The following HS6ST3 variants were observed in gnomAD, a reference collection of about 807,000 sequenced individuals.
HS6ST3 encodes heparan-sulfate 6-O-sulfotransferase 3.
HS6ST3 carries 12 observed loss-of-function variants against 36.7 expected under a neutral mutation model. The observed-to-expected ratio is 0.33, with a 90% CI of 0.21 to 0.53. The LOEUF is 0.53. Among genes scored for constraint, HS6ST3 ranks in the 20% least tolerant of loss-of-function variants. The pLI is 0.95. For missense variants in HS6ST3, 584 were observed against 640.9 expected, an observed-to-expected ratio of 0.91 and a Z score of 0.96; for synonymous variants, 240 against 257.5, an observed-to-expected ratio of 0.93 and a Z score of 0.65.
rs192659653 is a variant in HS6ST3 at position 96,333,801 on chromosome 13, C to A, written c.707+242232C>A. On this transcript the variant is annotated intron_variant, in intron 1 of 1. Transcript: ENST00000376705. ...CAAAATACTTGGTTACTTACAGCTC[C>A]AATTGAAAGAAGGCTTCCAAAGCTT... is the stretch of plus-strand genomic sequence containing the variant. Among the ~76,000 whole-genome samples, 16 of 152,244 alleles carry A rather than the reference C, an allele frequency of 1.1e-4. No individual in the cohort carries two copies. The East Asian group carries it at 1.9e-3, about 18-fold the overall frequency.
In HS6ST3 at chr13:96,243,769, G is replaced by T. The variant is rs575665591; in HGVS notation, c.707+152200G>T. 7.2e-4 allele frequency among the ~76,000 whole-genome samples: 110 copies of T among 151,752 alleles called. 1 individual carries two copies. The South Asian group carries it at 0.022, about 30-fold the overall frequency. ...AATTATGAGTTTAAATTTTCCCTGG[G>T]GTGCTTCTCAATTGGTTAATATTAT... On this transcript the variant is annotated intron_variant, in intron 1 of 1. Coordinates refer to ENST00000376705, the MANE Select transcript of HS6ST3 (RefSeq NM_153456.4).
intron 1 of HS6ST3, among the ~76,000 whole-genome samples, chr13:96,254,654 A>C (rs2054628459): frequency 6.6e-6 from 1 of 151,514 alleles, no homozygotes; most frequent in Non-Finnish European, 1.5e-5. Context: ...GGAAGAGCTC[A>C]GTTGGAATCA....
intron 1 of HS6ST3, among the ~76,000 whole-genome samples, chr13:96,363,546 G>T (rs148823654): frequency 6.6e-6 from 1 of 152,026 alleles, no homozygotes; most frequent in Non-Finnish European, 1.5e-5. Flanking sequence ...AAATCCAAAG[G>T]CCTTTATGCC....
At chr13:96,287,507 A>G (rs1181492970) in intron 1 of HS6ST3, among the ~76,000 whole-genome samples, 1 of 152,206 alleles carries the variant, frequency 6.6e-6, no homozygotes, top group African/African-American at 2.4e-5. Flanking sequence ...ACATTTTAAA[A>G]TGGAATAATA....
intron 1 of HS6ST3, among the ~76,000 whole-genome samples, chr13:96,378,398 G>A (rs771495735): frequency 6.6e-6 from 1 of 152,082 alleles, no homozygotes; most frequent in Non-Finnish European, 1.5e-5. Context: ...GGGCCTTTTA[G>A]GGAAACAATC....
At chr13:96,352,541 T>G (rs2055188821) in intron 1 of HS6ST3, among the ~76,000 whole-genome samples, 1 of 152,178 alleles carries the variant, frequency 6.6e-6, no homozygotes, top group Admixed American at 6.5e-5. Context: ...ATGGCCTAGT[T>G]TTGAATGCCA....
intron 1 of HS6ST3, among the ~76,000 whole-genome samples, chr13:96,471,819 T>C (rs2055841439): frequency 6.6e-6 from 1 of 152,208 alleles, no homozygotes; most frequent in Non-Finnish European, 1.5e-5. Context: ...GTTGCTATAA[T>C]GTAAGGCAGA....
chr13:96,514,884 T>G (rs1248719780), intron 1 of HS6ST3, among the ~76,000 whole-genome samples: 1 of 151,974 alleles, frequency 6.6e-6, no homozygotes, highest in Non-Finnish European at 1.5e-5. Context: ...TGCAAGTGAT[T>G]GTCTGGTAGC....
At chr13:96,367,193 T>C (rs1480709193) in intron 1 of HS6ST3, among the ~76,000 whole-genome samples, 1 of 152,208 alleles carries the variant, frequency 6.6e-6, no homozygotes, top group Non-Finnish European at 1.5e-5. Context: ...AAAAGCCATA[T>C]TTAACATGGT....
At chr13:96,600,473 T>C (rs2056417512) in intron 1 of HS6ST3, among the ~76,000 whole-genome samples, 1 of 152,110 alleles carries the variant, frequency 6.6e-6, no homozygotes, top group African/African-American at 2.4e-5. Flanking sequence ...TTTTATCTGA[T>C]ATAGGAGTAG....
intron 1 of HS6ST3, among the ~76,000 whole-genome samples, chr13:96,815,100 G>A (rs371814583): frequency 1.8e-4 from 28 of 152,256 alleles, no homozygotes; most frequent in African/African-American, 6.3e-4. Context: ...GGCTTCAACA[G>A]CAGTTTATTC....
rs1482052465 is a variant in HS6ST3 at position 96,835,778 on chromosome 13, T to G, written c.*2580T>G. The G allele has an allele frequency of 6.6e-6, 1 of 152,244 alleles. No individual in the cohort carries two copies. Among genetic ancestry groups the G allele is most frequent in the African/African-American group, 2.4e-5 (1 of 41,452 alleles). 9.4% of individuals were successfully genotyped at this position (152,244 alleles called of 1,614,324 possible). A position where few individuals can be genotyped will look rare whatever the true frequency, so the allele number is the denominator to read the frequency against. On this transcript the variant is annotated 3_prime_UTR_variant, in exon 2 of 2. Coordinates refer to ENST00000376705, the MANE Select transcript of HS6ST3 (RefSeq NM_153456.4). ...GGCAGCCCCTGCTCACTTCACGCTG[T>G]TCCTTAGGCACCTCGGGATTGGTAT...
chr13:96,747,367 T>A (rs1348561690), intron 1 of HS6ST3, among the ~76,000 whole-genome samples: 1 of 152,140 alleles, frequency 6.6e-6, no homozygotes, highest in Non-Finnish European at 1.5e-5. Context: ...TTTTTATCTA[T>A]TTTGGTTAAA....
chr13:96,834,694 G>A lies in HS6ST3; in HGVS notation c.*1496G>A, dbSNP rs1878883399. On this transcript the variant is annotated 3_prime_UTR_variant, in exon 2 of 2. Coordinates refer to ENST00000376705, the MANE Select transcript of HS6ST3 (RefSeq NM_153456.4). ...ATGTGTAAAACCCCTAAATCAGATT[G>A]AAAAGCCTATTTCATTGATATCCAA... is the stretch of plus-strand genomic sequence containing the variant. 6.6e-6 allele frequency: 1 copy of A among 152,572 alleles called. No individual in the cohort carries two copies. The highest frequency in any genetic ancestry group is 2.4e-5 in the African/African-American group (1 of 41,414). The allele number at this position is 152,572 out of a possible 1,614,324, so 9.5% of individuals were successfully genotyped here. A position where few individuals can be genotyped will look rare whatever the true frequency, so the allele number is the denominator to read the frequency against.
At chr13:96,242,485 C>T (rs1015999238) in intron 1 of HS6ST3, among the ~76,000 whole-genome samples, 3 of 152,140 alleles carry the variant, frequency 2.0e-5, no homozygotes, top group African/African-American at 4.8e-5. Flanking sequence ...TCCTAAAGTG[C>T]TGGGATTACA....
chr13:96,766,901 C>T (rs1353246350), intron 1 of HS6ST3, among the ~76,000 whole-genome samples: 1 of 152,198 alleles, frequency 6.6e-6, no homozygotes, highest in East Asian at 1.9e-4. Context: ...AATTAACAAA[C>T]AGGCTCATTC....
At chr13:96,469,781 T>C (rs2055832145) in intron 1 of HS6ST3, among the ~76,000 whole-genome samples, 1 of 151,972 alleles carries the variant, frequency 6.6e-6, no homozygotes, top group South Asian at 2.1e-4. Flanking sequence ...TGGTAGAAAT[T>C]AATAATGGTA....
chr13:96,543,952 G>GATATATATATATATAT (rs10646361), intron 1 of HS6ST3, among the ~76,000 whole-genome samples: 2 of 145,808 alleles, frequency 1.4e-5, no homozygotes, highest in African/African-American at 5.0e-5. Context: ...ATGATGGGGA[G>GATATATATATATATAT]ATATATATAT....
At chr13:96,549,996 C>T (rs935730957) in intron 1 of HS6ST3, among the ~76,000 whole-genome samples, 3 of 152,170 alleles carry the variant, frequency 2.0e-5, no homozygotes, top group African/African-American at 7.2e-5. Context: ...CCACATTTGC[C>T]TTTCTGCAAC....
Sources: gnomAD v4.1 joint callset for allele counts (sites outside exome capture counted in the v4.1 genomes callset) on GRCh38, gnomAD v4.1.1 for gene constraint, MANE v1.5 for transcripts, NCBI Gene and HGNC (gene_info 2026-07-23, HGNC 2026-07-21) for gene names.